The following KLF12 variants were observed in gnomAD, a reference collection of about 807,000 sequenced individuals.
The protein encoded by KLF12 is KLF transcription factor 12.
A neutral mutation model predicts 37.8 loss-of-function variants in KLF12; 9 were observed. The observed-to-expected ratio is 0.24, with a 90% CI of 0.14 to 0.42. The LOEUF is 0.42. Ranked by LOEUF, KLF12 falls within the 10% of genes least tolerant of loss-of-function variation. The pLI is 1.00. For missense variants in KLF12, 411 were observed against 516.0 expected, an observed-to-expected ratio of 0.80 and a Z score of 1.97; for synonymous variants, 208 against 202.1, an observed-to-expected ratio of 1.03 and a Z score of -0.25.
intron 1 of KLF12, among the ~76,000 whole-genome samples, chr13:74,051,267 T>G (rs77394627): frequency 0.071 from 10,754 of 151,606 alleles, 507 homozygotes; most frequent in Non-Finnish European, 0.1. Flanking sequence ...ATCACAATAT[T>G]TGTAACCAAG....
Position 73,948,503 on chromosome 13 carries a change from G to A in KLF12, c.34-4433C>T, listed in dbSNP as rs143603595. On this transcript the variant is annotated intron_variant, in intron 2 of 7. Coordinates refer to ENST00000377669, the MANE Select transcript of KLF12 (RefSeq NM_007249.5). Reference sequence around the variant, plus strand: ...CAAAGTGCTGGGAATACAGGCATGAGCCACCAGGATGGCATAGCAGATTCT... The same window carrying A: ...CAAAGTGCTGGGAATACAGGCATGAACCACCAGGATGGCATAGCAGATTCT... Among the ~76,000 whole-genome samples, 1,121 of 152,354 alleles carry A rather than the reference G, an allele frequency of 7.4e-3. 15 individuals are homozygous for A. Among genetic ancestry groups the A allele is most frequent in the African/African-American group, 0.026 (1,077 of 41,564 alleles).
At chr13:73,912,044 C>T (rs1042769585) in intron 3 of KLF12, among the ~76,000 whole-genome samples, 6 of 152,200 alleles carry the variant, frequency 3.9e-5, no homozygotes, top group African/African-American at 1.4e-4. Context: ...CAATAACTCC[C>T]AAAAGGTAGT....
At chr13:73,908,350 C>T (rs111835430) in intron 3 of KLF12, among the ~76,000 whole-genome samples, 7,347 of 143,340 alleles carry the variant, frequency 0.051, 442 homozygotes, top group African/African-American at 0.15. Flanking sequence ...TGCAGTGAGC[C>T]GAGACTGAAC....
chr13:74,016,428 C>G (rs1367940276), intron 1 of KLF12, among the ~76,000 whole-genome samples: 2 of 152,200 alleles, frequency 1.3e-5, no homozygotes, highest in Non-Finnish European at 2.9e-5. Flanking sequence ...GGCATGTGAT[C>G]ATAGCTCAGT....
At chr13:73,806,229 G>C (rs1413179621) in intron 5 of KLF12, among the ~76,000 whole-genome samples, 1 of 151,370 alleles carries the variant, frequency 6.6e-6, no homozygotes, top group Non-Finnish European at 1.5e-5. Flanking sequence ...TCAGCCCCCT[G>C]AGTTGCTGGG....
At chr13:73,894,216 G>A (rs1415162654) in intron 3 of KLF12, among the ~76,000 whole-genome samples, 1 of 152,176 alleles carries the variant, frequency 6.6e-6, no homozygotes, top group African/African-American at 2.4e-5. Context: ...GAGACGTTTA[G>A]ACTTCAGTAA....
intron 1 of KLF12, among the ~76,000 whole-genome samples, chr13:74,039,291 T>C (rs910713289): frequency 2.0e-5 from 3 of 152,128 alleles, no homozygotes; most frequent in African/African-American, 7.2e-5. Context: ...GTAATCTTAG[T>C]ACTTTGAGAG....
chr13:73,963,351 T>TATACAC (rs71199829), intron 2 of KLF12, among the ~76,000 whole-genome samples: 2 of 149,204 alleles, frequency 1.3e-5, no homozygotes, highest in African/African-American at 5.0e-5. Flanking sequence ...TACTTCAGTA[T>TATACAC]ACACACACAC....
At chr13:73,988,190 C>T (rs1448614320) in intron 2 of KLF12, among the ~76,000 whole-genome samples, 1 of 152,140 alleles carries the variant, frequency 6.6e-6, no homozygotes, top group Non-Finnish European at 1.5e-5. Context: ...AAAAATACAC[C>T]CTTTTGCATT....
chr13:73,722,965 C>T (rs1164805391), intron 6 of KLF12, among the ~76,000 whole-genome samples: 1 of 152,142 alleles, frequency 6.6e-6, no homozygotes, highest in East Asian at 1.9e-4. Flanking sequence ...ATAACAGCAG[C>T]CACTAAGTAT....
At chr13:74,135,914 C>G (rs1363345704), upstream of KLF12, among the ~76,000 whole-genome samples, 1 of 152,200 alleles carries the variant, frequency 6.6e-6, no homozygotes, top group Non-Finnish European at 1.5e-5. Flanking sequence ...TGGCGGTTTC[C>G]AGCCACTTCA....
At chr13:73,701,660 A>T (rs1202173699) in intron 7 of KLF12, among the ~76,000 whole-genome samples, 1 of 152,128 alleles carries the variant, frequency 6.6e-6, no homozygotes, top group Admixed American at 6.6e-5. Flanking sequence ...TTAAGTTGAG[A>T]CATTACATTT....
chr13:74,147,645 T>C, the KLF12 span, among the ~76,000 whole-genome samples: 1 of 152,170 alleles, frequency 6.6e-6, no homozygotes, highest in Non-Finnish European at 1.5e-5. Flanking sequence ...CAATTGACTG[T>C]TTTATACCTC....
chr13:73,718,100 A>C (rs944227217), intron 6 of KLF12, among the ~76,000 whole-genome samples: 1 of 152,246 alleles, frequency 6.6e-6, no homozygotes, highest in African/African-American at 2.4e-5. Flanking sequence ...TATTTTCCAC[A>C]CATGAATATA....
chr13:74,269,619 G>A, the KLF12 span, among the ~76,000 whole-genome samples: 1 of 152,132 alleles, frequency 6.6e-6, no homozygotes, highest in Non-Finnish European at 1.5e-5. Flanking sequence ...TTTGAGAGAA[G>A]GATATATACA....
At chr13:74,008,412 A>G (rs1892470035) in intron 1 of KLF12, among the ~76,000 whole-genome samples, 1 of 152,232 alleles carries the variant, frequency 6.6e-6, no homozygotes, top group African/African-American at 2.4e-5. Context: ...CCTTTACATC[A>G]GCAACAGCTT....
intron 1 of KLF12, among the ~76,000 whole-genome samples, chr13:74,129,982 G>T (rs961506724): frequency 1.3e-5 from 2 of 152,214 alleles, no homozygotes; most frequent in Non-Finnish European, 2.9e-5. Flanking sequence ...ATTCTGGCGG[G>T]TGGAAGTCAG....
At chr13:73,959,123 C>CTAAAAAAAAAAAAAA (rs1890940582) in intron 2 of KLF12, among the ~76,000 whole-genome samples, 1 of 11,504 alleles carries the variant, frequency 8.7e-5, no homozygotes, top group East Asian at 6.9e-3. Flanking sequence ...CACCCCCCTT[C>CTAAAAAAAAAAAAAA]CAAAAAAAAA....
At chr13:74,211,842 G>C in the KLF12 span, among the ~76,000 whole-genome samples, 1 of 152,042 alleles carries the variant, frequency 6.6e-6, no homozygotes, top group South Asian at 2.1e-4. Context: ...TATAAAATTT[G>C]GTTATAGGAG....
Sources: gnomAD v4.1 joint callset for allele counts (sites outside exome capture counted in the v4.1 genomes callset) on GRCh38, gnomAD v4.1.1 for gene constraint, MANE v1.5 for transcripts, NCBI Gene and HGNC (gene_info 2026-07-23, HGNC 2026-07-21) for gene names.